Variants in SRGAP1 observed in about 807,000 individuals in gnomAD.
SRGAP1 encodes SLIT-ROBO Rho GTPase-activating protein 1.
Under a neutral mutation model 121.9 loss-of-function variants are expected in SRGAP1, and 43 were observed. The ratio of observed to expected loss-of-function variants is 0.35; its 90% CI spans 0.28 to 0.46. The LOEUF (loss-of-function observed/expected upper bound fraction) is 0.46. Ranked by LOEUF, SRGAP1 falls within the 20% of genes least tolerant of loss-of-function variation. The pLI is 1.00. For synonymous variants in SRGAP1, 447 were observed against 485.4 expected (o/e 0.92, Z 1.04); for missense variants, 1,102 against 1,350.9 (o/e 0.82, Z 2.89).
intron 1 of SRGAP1, among the ~76,000 whole-genome samples, chr12:63,949,001 C>CAT (rs199743179): frequency 0.025 from 2,653 of 106,860 alleles, 176 homozygotes; most frequent in African/African-American, 0.078. Flanking sequence ...ATGTATTTTC[C>CAT]ATATATATAT....
At chr12:64,056,550 A>C (rs1368678416) in intron 6 of SRGAP1, among the ~76,000 whole-genome samples, 2 of 116,960 alleles carry the variant, frequency 1.7e-5, no homozygotes, top group East Asian at 4.1e-4. Flanking sequence ...GAGACTCCAC[A>C]AAAAAAAAAA....
At chr12:63,883,006 CA>C (rs1268237767) in intron 1 of SRGAP1, among the ~76,000 whole-genome samples, 1 of 152,218 alleles carries the variant, frequency 6.6e-6, no homozygotes, top group Admixed American at 6.5e-5. Flanking sequence ...CAGCTCAGGG[CA>C]GGGGCAGATC....
At chr12:64,110,329 A>C (rs562863656) in intron 16 of SRGAP1, among the ~76,000 whole-genome samples, 14 of 152,290 alleles carry the variant, frequency 9.2e-5, no homozygotes, top group African/African-American at 3.4e-4. Flanking sequence ...GTTAATTAAG[A>C]AAGTTCTCAA....
At chr12:63,903,073 A>C (rs552748587) in intron 1 of SRGAP1, among the ~76,000 whole-genome samples, 2 of 152,152 alleles carry the variant, frequency 1.3e-5, no homozygotes, top group Non-Finnish European at 2.9e-5. Flanking sequence ...TTATATATAT[A>C]TATATAAAGT....
chr12:64,098,669 C>CAA (rs569203182), intron 15 of SRGAP1, among the ~76,000 whole-genome samples: 26 of 143,132 alleles, frequency 1.8e-4, no homozygotes, highest in Middle Eastern at 3.7e-3. Flanking sequence ...GACTCTGTCT[C>CAA]AAAAAAAAAT....
At chr12:64,142,180 C>T in intron 21 of SRGAP1, 115 bp from the exon 22 acceptor site, 2 of 1,051,754 alleles carry the variant, frequency 1.9e-6, no homozygotes, top group South Asian at 1.6e-5. Flanking sequence ...ACTATGGAGT[C>T]AAAGATATCC....
At chr12:63,993,931 A>G (rs571178105) in intron 3 of SRGAP1, among the ~76,000 whole-genome samples, 37 of 152,272 alleles carry the variant, frequency 2.4e-4, no homozygotes, top group African/African-American at 8.9e-4. Context: ...TTTTAGATTT[A>G]TGCCTTTAAA....
intron 1 of SRGAP1, among the ~76,000 whole-genome samples, chr12:63,941,021 C>T (rs1004163421): frequency 2.6e-5 from 4 of 152,192 alleles, no homozygotes; most frequent in Admixed American, 2.0e-4. Flanking sequence ...GTGTCAGAAA[C>T]TTAATGGCTT....
intron 4 of SRGAP1, chr12:64,038,716 G>A (rs890778260): frequency 1.3e-5 from 2 of 152,160 alleles, no homozygotes; most frequent in Admixed American, 1.3e-4. Context: ...CATGACGTGG[G>A]TCGTTTTCTA....
At chr12:63,874,023 ACT>A (rs1175157787) in intron 1 of SRGAP1, among the ~76,000 whole-genome samples, 1 of 151,442 alleles carries the variant, frequency 6.6e-6, no homozygotes, top group Non-Finnish European at 1.5e-5. Flanking sequence ...ACTGAGCGAG[ACT>A]CTGTCAGAAA....
At chr12:63,856,716 T>TA (rs148904816) in intron 1 of SRGAP1, among the ~76,000 whole-genome samples, 23,114 of 152,192 alleles carry the variant, frequency 0.15, 2,803 homozygotes, top group East Asian at 0.4. Context: ...AATAAGTCTT[T>TA]ATGTCTGGTA....
intron 1 of SRGAP1, among the ~76,000 whole-genome samples, chr12:63,899,517 T>C (rs983124697): frequency 1.3e-5 from 2 of 152,116 alleles, no homozygotes; most frequent in African/African-American, 2.4e-5. Flanking sequence ...CACAGCTACT[T>C]GGTGGAAGTT....
intron 10 of SRGAP1, chr12:64,080,666 A>G (rs958135472): frequency 1.9e-4 from 87 of 449,368 alleles, no homozygotes; most frequent in Non-Finnish European, 3.3e-4. Flanking sequence ...AAAAGTCTGG[A>G]AACACTGCCC....
At chr12:63,897,360 GAACTAGAGC>G (rs1287450981) in intron 1 of SRGAP1, among the ~76,000 whole-genome samples, 5 of 152,308 alleles carry the variant, frequency 3.3e-5, no homozygotes, top group Non-Finnish European at 7.3e-5. Flanking sequence ...AATATTATGA[GAACTAGAGC>G]AACTAGAGCA....
At chr12:64,114,029 T>C (rs1363711336) in intron 17 of SRGAP1, among the ~76,000 whole-genome samples, 61 of 31,078 alleles carry the variant, frequency 2.0e-3, no homozygotes, top group Admixed American at 0.016. Flanking sequence ...TGAAAGTACT[T>C]TTTTTTTTAA....
In SRGAP1 at chr12:64,147,777, A is replaced by G; in HGVS notation, c.*5105A>G. Reference sequence around the variant, plus strand: ...GGCATGTACCATTACAGGCTTCAGTATACAGTCAGGTTTGTTCTTCACGGT... The same window carrying G: ...GGCATGTACCATTACAGGCTTCAGTGTACAGTCAGGTTTGTTCTTCACGGT... On this transcript the variant is annotated 3_prime_UTR_variant, in exon 22 of 22. Coordinates refer to ENST00000355086, the MANE Select transcript of SRGAP1 (RefSeq NM_020762.4). 1 of 397,866 alleles carries G rather than the reference A, an allele frequency of 2.5e-6. No homozygotes were observed. The highest frequency in any genetic ancestry group is 4.4e-6 in the Non-Finnish European group (1 of 225,982). The allele number at this position is 397,866 out of a possible 1,614,324, so 24.6% of individuals were successfully genotyped here.
At chr12:64,011,022 C>A (rs1461354906) in intron 3 of SRGAP1, among the ~76,000 whole-genome samples, 1 of 151,660 alleles carries the variant, frequency 6.6e-6, no homozygotes, top group Non-Finnish European at 1.5e-5. Flanking sequence ...TAGGATTGTA[C>A]CAGCCAAAGA....
At chr12:63,978,622 T>A (rs2136401318) in intron 1 of SRGAP1, among the ~76,000 whole-genome samples, 1 of 152,354 alleles carries the variant, frequency 6.6e-6, no homozygotes, top group Admixed American at 6.5e-5. Flanking sequence ...TTTGAGCTGT[T>A]TTCACCTTTC....
At chr12:63,976,067 A>C (rs2033084854) in intron 1 of SRGAP1, among the ~76,000 whole-genome samples, 1 of 152,144 alleles carries the variant, frequency 6.6e-6, no homozygotes, top group African/African-American at 2.4e-5. Context: ...AAAATTGTTC[A>C]ATTTTTGCCC....
Sources: gnomAD v4.1 joint callset for allele counts (sites outside exome capture counted in the v4.1 genomes callset) on GRCh38, gnomAD v4.1.1 for gene constraint, MANE v1.5 for transcripts, NCBI Gene and HGNC (gene_info 2026-07-23, HGNC 2026-07-21) for gene names.